NRXN3: variants seen among roughly 807,000 people sequenced by gnomAD.
The protein encoded by NRXN3 is neurexin III.
In NRXN3, 32 loss-of-function variants were observed where a neutral mutation model predicts 137.6. The observed-to-expected ratio is 0.23, with a 90% confidence interval of 0.18 to 0.31. The LOEUF (loss-of-function observed/expected upper bound fraction) is 0.31, where lower values mean the gene tolerates loss of function less well. NRXN3 is among the 10% of genes least tolerant of loss of function. The pLI is 1.00. For missense variants in NRXN3, 1,574 were observed against 2,062.5 expected (o/e 0.76, Z 4.59); for synonymous variants, 798 against 784.5 (o/e 1.02, Z -0.29).
chr14:79,790,362 G>A (rs1404038187), intron 19 of NRXN3, among the ~76,000 whole-genome samples: 1 of 152,012 alleles, frequency 6.6e-6, no homozygotes, highest in African/African-American at 2.4e-5. Context: ...TGAGAGGGTG[G>A]CACGATCATG....
At chr14:78,655,254 G>A (rs972822696) in intron 6 of NRXN3, among the ~76,000 whole-genome samples, 7 of 152,074 alleles carry the variant, frequency 4.6e-5, no homozygotes, top group Non-Finnish European at 1.0e-4. Flanking sequence ...ATGAAATGAT[G>A]TACATAAAAG....
intron 3 of NRXN3, among the ~76,000 whole-genome samples, chr14:78,295,468 A>G (rs892541820): frequency 3.3e-5 from 5 of 152,210 alleles, no homozygotes; most frequent in Non-Finnish European, 7.3e-5. Flanking sequence ...AGTTATTTGC[A>G]TTTTAAAAGG....
chr14:78,633,170 G>T lies in NRXN3; in HGVS notation c.758-11950G>T, dbSNP rs368893318. On this transcript the variant is annotated intron_variant, in intron 4 of 20. Coordinates refer to ENST00000335750, the MANE Select transcript of NRXN3 (RefSeq NM_001330195.2). Reference sequence around the variant, plus strand: ...CTCGGGAGGCTGAGGCAGGAGAATGGCATGAACCCGGGAGGCAGAGCTTGC... The same window carrying T: ...CTCGGGAGGCTGAGGCAGGAGAATGTCATGAACCCGGGAGGCAGAGCTTGC... Among the ~76,000 whole-genome samples the T allele has an allele frequency of 8.1e-4, 122 of 149,722 alleles. 1 individual carries two copies. In the East Asian group the frequency reaches 0.017, roughly 21 times the overall value.
intron 8 of NRXN3, among the ~76,000 whole-genome samples, chr14:78,724,063 G>A (rs2098472177): frequency 6.6e-6 from 1 of 152,186 alleles, no homozygotes; most frequent in South Asian, 2.1e-4. Context: ...ACAATGAGTT[G>A]TAGTTTGTCT....
intron 15 of NRXN3, among the ~76,000 whole-genome samples, chr14:79,408,459 T>C (rs1358468215): frequency 6.6e-6 from 1 of 152,144 alleles, no homozygotes; most frequent in Non-Finnish European, 1.5e-5. Context: ...ATTTATGTAA[T>C]ATTCTCAGTG....
intron 16 of NRXN3, among the ~76,000 whole-genome samples, chr14:79,587,475 C>T (rs2153817442): frequency 6.6e-6 from 1 of 152,316 alleles, no homozygotes; most frequent in Non-Finnish European, 1.5e-5. Context: ...CTGGCTTAAA[C>T]ATCAGGCGAG....
At chr14:78,836,231 A>T (rs978041061) in intron 10 of NRXN3, among the ~76,000 whole-genome samples, 5 of 152,252 alleles carry the variant, frequency 3.3e-5, no homozygotes, top group Non-Finnish European at 7.3e-5. Context: ...GCAAAAAAGG[A>T]AAGAGAATGT....
At chr14:78,365,430 GTC>G (rs2085778875) in intron 4 of NRXN3, among the ~76,000 whole-genome samples, 1 of 152,146 alleles carries the variant, frequency 6.6e-6, no homozygotes, top group Non-Finnish European at 1.5e-5. Flanking sequence ...TTCATCTACT[GTC>G]TCTGTCATGC....
intron 8 of NRXN3, among the ~76,000 whole-genome samples, chr14:78,771,928 T>A (rs1269459710): frequency 6.6e-6 from 1 of 152,150 alleles, no homozygotes; most frequent in Non-Finnish European, 1.5e-5. Flanking sequence ...TTTTTTTGGG[T>A]CTGGGGATAT....
At chr14:79,336,992 T>C (rs559715126) in intron 15 of NRXN3, among the ~76,000 whole-genome samples, 1 of 152,334 alleles carries the variant, frequency 6.6e-6, no homozygotes, top group South Asian at 2.1e-4. Context: ...TTTAAACTCC[T>C]TGGGAAAATA....
At chr14:78,673,366 A>T (rs1301080138) in intron 6 of NRXN3, among the ~76,000 whole-genome samples, 4 of 152,214 alleles carry the variant, frequency 2.6e-5, no homozygotes, top group Non-Finnish European at 5.9e-5. Context: ...TTTACAGGGC[A>T]GCCAGGCAGT....
intron 15 of NRXN3, among the ~76,000 whole-genome samples, chr14:79,091,650 T>A (rs1411186986): frequency 6.6e-6 from 1 of 152,142 alleles, no homozygotes; most frequent in East Asian, 1.9e-4. Flanking sequence ...ATTGTTTAAG[T>A]CAGTGGGTGA....
At chr14:79,407,238 C>T (rs990282048) in intron 15 of NRXN3, among the ~76,000 whole-genome samples, 1 of 152,104 alleles carries the variant, frequency 6.6e-6, no homozygotes, top group Admixed American at 6.6e-5. Context: ...ATTTCCTTTA[C>T]TTTCATGTGT....
chr14:78,788,207 G>T (rs1347755587), intron 8 of NRXN3, among the ~76,000 whole-genome samples: 4 of 152,092 alleles, frequency 2.6e-5, no homozygotes, highest in Non-Finnish European at 5.9e-5. Flanking sequence ...TGGAAGCAAT[G>T]GGCCACCTCT....
At chr14:79,523,838 T>A (rs2097093742) in intron 16 of NRXN3, among the ~76,000 whole-genome samples, 2 of 152,200 alleles carry the variant, frequency 1.3e-5, no homozygotes, top group Admixed American at 1.3e-4. Flanking sequence ...TTCCTGGGCT[T>A]AGGAATCTCA....
chr14:78,277,124 A>G (rs907370477), intron 2 of NRXN3, among the ~76,000 whole-genome samples: 1 of 152,200 alleles, frequency 6.6e-6, no homozygotes, highest in East Asian at 1.9e-4. Flanking sequence ...AGCTGTTGCT[A>G]TGGGTATGTT....
intron 15 of NRXN3, among the ~76,000 whole-genome samples, chr14:79,374,627 A>T (rs1453549776): frequency 2.0e-5 from 3 of 152,002 alleles, no homozygotes; most frequent in Non-Finnish European, 4.4e-5. Flanking sequence ...CTTTGTATTG[A>T]CCTCAAGTCT....
At chr14:78,687,520 T>C (rs1373882861) in intron 6 of NRXN3, among the ~76,000 whole-genome samples, 1 of 152,234 alleles carries the variant, frequency 6.6e-6, no homozygotes, top group African/African-American at 2.4e-5. Flanking sequence ...GATAACTTTA[T>C]TAGTCAAGAT....
chr14:79,860,641 T>TA (rs1359837848), intron 20 of NRXN3, among the ~76,000 whole-genome samples: 1 of 152,220 alleles, frequency 6.6e-6, no homozygotes, highest in African/African-American at 2.4e-5. Context: ...AAAGAAATCT[T>TA]AAACGCATGT....
Sources: gnomAD v4.1 joint callset for allele counts (sites outside exome capture counted in the v4.1 genomes callset) on GRCh38, gnomAD v4.1.1 for gene constraint, MANE v1.5 for transcripts, NCBI Gene and HGNC (gene_info 2026-07-23, HGNC 2026-07-21) for gene names.